Variants in PTGDR observed in about 807,000 individuals in gnomAD.
The protein encoded by PTGDR is PGD2 receptor.
Under a neutral mutation model 17.4 loss-of-function variants are expected in PTGDR, and 19 were observed. The observed-to-expected ratio is 1.09, with a 90% CI of 0.76 to 1.60. PTGDR has a LOEUF of 1.60. Among genes scored for constraint, PTGDR ranks in the 40% most tolerant of loss-of-function variants. The pLI is 0.00. For missense variants in PTGDR, 526 were observed against 481.9 expected, an observed-to-expected ratio of 1.09 and a Z score of -0.86; for synonymous variants, 267 against 224.2, an observed-to-expected ratio of 1.19 and a Z score of -1.71.
chr14:52,277,785 T>G (rs148928148), downstream of PTGDR, among the ~76,000 whole-genome samples: 597 of 152,286 alleles, frequency 3.9e-3, 5 homozygotes, highest in Middle Eastern at 0.031. Flanking sequence ...GGGCCAGCAA[T>G]CTGGGCTTTA....
chr14:52,273,070 T>G (rs1304247658), intron 1 of PTGDR, among the ~76,000 whole-genome samples: 1 of 152,218 alleles, frequency 6.6e-6, no homozygotes, highest in African/African-American at 2.4e-5. Flanking sequence ...TGGAGTACAA[T>G]GGCACAATCT....
chr14:52,279,532 G>T (rs2033465127), downstream of PTGDR, among the ~76,000 whole-genome samples: 1 of 152,084 alleles, frequency 6.6e-6, no homozygotes, highest in Non-Finnish European at 1.5e-5. Flanking sequence ...TGCTGGTCTG[G>T]GTGTTCCCAG....
chr14:52,273,073 C>T (rs973741961), intron 1 of PTGDR, among the ~76,000 whole-genome samples: 2 of 152,192 alleles, frequency 1.3e-5, no homozygotes, highest in Non-Finnish European at 2.9e-5. Context: ...AGTACAATGG[C>T]ACAATCTAGG....
chr14:52,276,901 ATTACT>A (rs1566485411), downstream of PTGDR, among the ~76,000 whole-genome samples: 1 of 152,104 alleles, frequency 6.6e-6, no homozygotes, highest in African/African-American at 2.4e-5. Context: ...CTTACATTTC[ATTACT>A]TTACATTACT....
Position 52,268,709 on chromosome 14 carries a change from C to T in PTGDR, c.846+49C>T, listed in dbSNP as rs1210819341. The stretch of plus-strand genomic sequence containing the variant: ...GCAGGGCACTGAGACTGTCCGGCCG[C>T]GGATGCGGGGCGGGAAGGGTGGAGC... On this transcript the variant is annotated intron_variant, in intron 1 of 1. Coordinates refer to ENST00000306051, the MANE Select transcript of PTGDR (RefSeq NM_000953.3). The T allele has an allele frequency of 4.0e-6, 6 of 1,509,338 alleles. No individual in the cohort carries two copies. The Admixed American group carries it at 6.4e-5, about 16-fold the overall frequency. 93.5% of individuals were successfully genotyped at this position (1,509,338 alleles called of 1,614,324 possible).
intron 1 of PTGDR, among the ~76,000 whole-genome samples, chr14:52,268,959 T>C (rs949250468): frequency 2.6e-5 from 4 of 152,282 alleles, no homozygotes; most frequent in Middle Eastern, 3.4e-3. Flanking sequence ...TCTGCTTCCT[T>C]CTGGGGAGAT....
At position 52,275,105 on chromosome 14, in the gene PTGDR, A is replaced by G; in HGVS notation, c.*141A>G. ...ACAAAAGCATGTATATGTATTTTCA[A>G]AAGTATTTGATATCTTAACAATGTG... On this transcript the variant is annotated 3_prime_UTR_variant, in exon 2 of 2. Coordinates refer to ENST00000306051, the MANE Select transcript of PTGDR (RefSeq NM_000953.3). 1 of 685,278 alleles carries G rather than the reference A, an allele frequency of 1.5e-6. No homozygotes were observed. Among genetic ancestry groups the G allele is most frequent in the South Asian group, 2.0e-5 (1 of 49,592 alleles). 42.4% of individuals were successfully genotyped at this position (685,278 alleles called of 1,614,324 possible).
rs1188334343 is a variant in PTGDR at position 52,276,241 on chromosome 14, G to A, written c.*1277G>A. On this transcript the variant is annotated 3_prime_UTR_variant, in exon 2 of 2. Transcript: ENST00000306051. ...TAAAAGAACAGCTGGGGAGGTTCAAGGGGTTTCAGCATCTCTGGAGTTCCT... is the reference window on the plus strand; with the variant it reads ...TAAAAGAACAGCTGGGGAGGTTCAAAGGGTTTCAGCATCTCTGGAGTTCCT... The A allele has an allele frequency of 1.3e-5, 2 of 152,208 alleles. No individual in the cohort carries two copies. Among genetic ancestry groups the A allele is most frequent in the Admixed American group, 1.3e-4 (2 of 15,286 alleles). 9.4% of individuals were successfully genotyped at this position (152,208 alleles called of 1,614,324 possible). A position where few individuals can be genotyped will look rare whatever the true frequency, so the allele number is the denominator to read the frequency against.
intron 1 of PTGDR, among the ~76,000 whole-genome samples, chr14:52,269,080 A>G (rs1034044270): frequency 3.3e-5 from 5 of 152,170 alleles, no homozygotes; most frequent in Non-Finnish European, 5.9e-5. Context: ...AGACCTGCTC[A>G]TGACTTCAGT....
At chr14:52,278,160 A>G (rs1368015017), downstream of PTGDR, among the ~76,000 whole-genome samples, 1 of 152,244 alleles carries the variant, frequency 6.6e-6, no homozygotes, top group Non-Finnish European at 1.5e-5. Flanking sequence ...ATAAAAACAC[A>G]TGCACACGTA....
At chr14:52,273,631 C>G (rs939606522) in intron 1 of PTGDR, among the ~76,000 whole-genome samples, 2 of 152,064 alleles carry the variant, frequency 1.3e-5, no homozygotes, top group Admixed American at 1.3e-4. Flanking sequence ...AGTGGCTGAG[C>G]CTGCTGAAAT....
chr14:52,273,635 C>A (rs1056465146), intron 1 of PTGDR, among the ~76,000 whole-genome samples: 2 of 152,096 alleles, frequency 1.3e-5, no homozygotes, highest in Admixed American at 1.3e-4. Flanking sequence ...GCTGAGCCTG[C>A]TGAAATGCTC....
chr14:52,275,240 A>T lies in PTGDR; in HGVS notation c.*276A>T. 1 of 303,802 alleles carries T rather than the reference A, an allele frequency of 3.3e-6. No homozygotes were observed. Among genetic ancestry groups the T allele is most frequent in the South Asian group, 5.0e-5 (1 of 19,824 alleles). 18.8% of individuals were successfully genotyped at this position (303,802 alleles called of 1,614,324 possible). A position where few individuals can be genotyped will look rare whatever the true frequency, so the allele number is the denominator to read the frequency against. On this transcript the variant is annotated 3_prime_UTR_variant, in exon 2 of 2. Transcript: ENST00000306051. ...GTTAAAAGTCTTAAAAAACAATGGT[A>T]TTAATTGTCCCTACATTTGTGCTTG...
At position 52,269,410 on chromosome 14, in the gene PTGDR, G is replaced by A. The variant is rs529322503; in HGVS notation, c.846+750G>A. The A allele has an allele frequency of 3.8e-4, 551 of 1,436,290 alleles. 6 individuals carry two copies. In the South Asian group the frequency reaches 6.3e-3, roughly 16 times the overall value. The allele number at this position is 1,436,290 out of a possible 1,614,324, so 89.0% of individuals were successfully genotyped here. On this transcript the variant is annotated intron_variant, in intron 1 of 1. Transcript: ENST00000306051. ...TTATCTCCGGTTTCAATTTGGTAAT[G>A]AGGATAGCGATGGAAATGAAATTAT...
chr14:52,278,839 T>C (rs1389690888), downstream of PTGDR, among the ~76,000 whole-genome samples: 1 of 152,124 alleles, frequency 6.6e-6, no homozygotes, highest in East Asian at 1.9e-4. Flanking sequence ...TAAAGAGCCT[T>C]TGTTTATGAA....
At chr14:52,276,979 A>G (rs1327560922), downstream of PTGDR, among the ~76,000 whole-genome samples, 2 of 152,194 alleles carry the variant, frequency 1.3e-5, no homozygotes, top group Non-Finnish European at 2.9e-5. Context: ...TTTGTTTCAT[A>G]CAAAATGTAG....
chr14:52,272,812 G>A (rs2033346426), intron 1 of PTGDR, among the ~76,000 whole-genome samples: 1 of 152,046 alleles, frequency 6.6e-6, no homozygotes, highest in African/African-American at 2.4e-5. Flanking sequence ...GGCATACACA[G>A]GAGAGCTCTC....
chr14:52,278,326 A>G (rs1374611570), downstream of PTGDR, among the ~76,000 whole-genome samples: 1 of 152,194 alleles, frequency 6.6e-6, no homozygotes, highest in Non-Finnish European at 1.5e-5. Flanking sequence ...AGGGACATGG[A>G]TGAAACTGGA....
Position 52,268,583 on chromosome 14 carries a change from C to A in PTGDR, c.769C>A (p.Pro257Thr). The A allele has an allele frequency of 6.2e-7, 1 of 1,611,890 alleles. No homozygotes were observed. Among genetic ancestry groups the A allele is most frequent in the Non-Finnish European group, 8.5e-7 (1 of 1,179,200 alleles). ...GGACGGGAGGGAAGCGTCCCCTCAG[C>A]CCCTGGAGGAGCTGGATCACCTCCT... ...RADGREASPQ[P>T]LEELDHLLLL... is the part of the protein sequence containing the mutation. Residue 257 changes from proline to threonine, a missense_variant, in exon 1 of 2, where the codon CCC becomes ACC. Pro to Thr is a conservative substitution (Grantham distance 38). Coordinates refer to ENST00000306051, the MANE Select transcript of PTGDR (RefSeq NM_000953.3).
Sources: gnomAD v4.1 joint callset for allele counts (sites outside exome capture counted in the v4.1 genomes callset) on GRCh38, gnomAD v4.1.1 for gene constraint, MANE v1.5 for transcripts, NCBI Gene and HGNC (gene_info 2026-07-23, HGNC 2026-07-21) for gene names.